Variants in SPAST observed in about 807,000 individuals in gnomAD.
The protein encoded by SPAST is spastic paraplegia 4 (autosomal dominant; spastin).
Under a neutral mutation model 76.6 loss-of-function variants are expected in SPAST, and 30 were observed. That is an observed-to-expected ratio of 0.39 (90% CI 0.29 to 0.53). SPAST has a LOEUF of 0.53. Ranked by LOEUF, SPAST falls within the 20% of genes least tolerant of loss-of-function variation. SPAST has a pLI of 0.68. For missense variants in SPAST, 717 were observed against 770.5 expected (o/e 0.93, Z 0.82); for synonymous variants, 305 against 281.0 (o/e 1.09, Z -0.86).
In SPAST at chr2:32,064,250, A is replaced by G; in HGVS notation, c.415+4A>G. 1 of 1,302,540 alleles carries G rather than the reference A, an allele frequency of 7.7e-7. No homozygotes were observed. Among genetic ancestry groups the G allele is most frequent in the Non-Finnish European group, 1.0e-6 (1 of 976,850 alleles). 80.7% of individuals were successfully genotyped at this position (1,302,540 alleles called of 1,614,324 possible). A position where few individuals can be genotyped will look rare whatever the true frequency, so the allele number is the denominator to read the frequency against. ...CGCATCGATGAGGATGAGAAAGGTA[A>G]CTAGGGGGCTGGGGGAGGGGGCGGC... On this transcript the variant is annotated splice_donor_region_variant and intron_variant, in intron 1 of 16. Transcript: ENST00000315285.
intron 9 of SPAST, among the ~76,000 whole-genome samples, chr2:32,135,152 T>C (rs1476736861): frequency 7.7e-6 from 1 of 130,006 alleles, no homozygotes; most frequent in East Asian, 2.7e-4. Flanking sequence ...GTGTGTGAGA[T>C]GGAGTCTTGC....
At chr2:32,121,474 T>G (rs1679016936) in intron 7 of SPAST, among the ~76,000 whole-genome samples, 1 of 151,830 alleles carries the variant, frequency 6.6e-6, no homozygotes, top group Middle Eastern at 3.4e-3. Context: ...CATCCTTCAA[T>G]TCTGAGAAAG....
intron 1 of SPAST, among the ~76,000 whole-genome samples, chr2:32,086,786 T>C (rs904142332): frequency 2.6e-5 from 4 of 151,894 alleles, no homozygotes; most frequent in African/African-American, 9.7e-5. Context: ...GTCTAAGAAG[T>C]TAATTTTCAT....
At chr2:32,084,305 CGCCCGCCACCAT>C (rs1553398904) in intron 1 of SPAST, among the ~76,000 whole-genome samples, 1 of 151,654 alleles carries the variant, frequency 6.6e-6, no homozygotes, top group Non-Finnish European at 1.5e-5. Flanking sequence ...GGACTACAGG[CGCCCGCCACCAT>C]GCCTGGCTAA....
At chr2:32,143,972 A>G (rs1288260223) in intron 14 of SPAST, among the ~76,000 whole-genome samples, 1 of 152,206 alleles carries the variant, frequency 6.6e-6, no homozygotes, top group Non-Finnish European at 1.5e-5. Context: ...AATAATTTTA[A>G]TTATTTGATA....
chr2:32,125,541 G>T (rs1679162379), intron 7 of SPAST, among the ~76,000 whole-genome samples: 1 of 151,342 alleles, frequency 6.6e-6, no homozygotes, highest in Non-Finnish European at 1.5e-5. Context: ...TTTTTAAGTT[G>T]GATATTAGCC....
chr2:32,116,119 T>C lies in SPAST; in HGVS notation c.1005T>C (p.Asn335=), dbSNP rs758894779. Residue 335 remains asparagine, a splice_region_variant and synonymous_variant, in exon 7 of 17, where the codon AAT becomes AAC. Transcript: ENST00000315285. ...ANLIMNEIVD[N]GTAVKFDDIA... ...AACTAACTGAGGTCTTGTTTCTTAG[T>C]GGAACAGCTGTTAAATTTGATGATA... The C allele has an allele frequency of 1.2e-6, 2 of 1,610,484 alleles. No individual in the cohort carries two copies. The highest frequency in any genetic ancestry group is 1.7e-5 in the Admixed American group (1 of 60,002).
intron 9 of SPAST, 107 bp downstream of exon 9, chr2:32,128,586 T>C: frequency 1.4e-6 from 1 of 740,472 alleles, no homozygotes; most frequent in Non-Finnish European, 2.4e-6. Context: ...TAGGAGCTTA[T>C]CTATTGTATC....
At chr2:32,084,887 CAAAAA>C (rs34046587) in intron 1 of SPAST, among the ~76,000 whole-genome samples, 1 of 81,550 alleles carries the variant, frequency 1.2e-5, no homozygotes, top group Non-Finnish European at 2.3e-5. Context: ...GACTCCGTCT[CAAAAA>C]AAAAAAAAAA....
intron 1 of SPAST, among the ~76,000 whole-genome samples, chr2:32,080,125 G>A (rs1677145866): frequency 6.6e-6 from 1 of 152,188 alleles, no homozygotes; most frequent in African/African-American, 2.4e-5. Context: ...TAAAGGGTAT[G>A]AAGTGGTATC....
Position 32,115,719 on chromosome 2 carries a change from T to C in SPAST, c.888T>C (p.Asn296=). The change falls in exon 6 of 17, where the codon AAT becomes AAC. Residue 296 remains asparagine, a synonymous_variant. Coordinates refer to ENST00000315285, the MANE Select transcript of SPAST (RefSeq NM_014946.4). The stretch of plus-strand genomic sequence containing the variant: ...CCTTTAAGGGTACTCCGAAAACAAA[T>C]AGGACAAATAAACCTTCTACCCCTA... ...PTTHKGTPKT[N]RTNKPSTPTT... 1 of 1,609,690 alleles carries C rather than the reference T, an allele frequency of 6.2e-7. No homozygotes were observed. The highest frequency in any genetic ancestry group is 8.5e-7 in the Non-Finnish European group (1 of 1,176,712).
intron 1 of SPAST, among the ~76,000 whole-genome samples, chr2:32,080,452 T>C (rs1037261813): frequency 6.6e-6 from 1 of 152,210 alleles, no homozygotes; most frequent in African/African-American, 2.4e-5. Context: ...CACTATTGGC[T>C]AATAATTTAA....
intron 1 of SPAST, among the ~76,000 whole-genome samples, chr2:32,077,295 G>C (rs1677004077): frequency 6.6e-6 from 1 of 152,080 alleles, no homozygotes; most frequent in Non-Finnish European, 1.5e-5. Flanking sequence ...GAATACTTAA[G>C]GATTAAATAG....
chr2:32,124,376 C>T (rs1167822996), intron 7 of SPAST, among the ~76,000 whole-genome samples: 1 of 152,146 alleles, frequency 6.6e-6, no homozygotes, highest in Non-Finnish European at 1.5e-5. Flanking sequence ...ACACCAAATT[C>T]TGGCAGGGAT....
intron 1 of SPAST, among the ~76,000 whole-genome samples, chr2:32,081,270 G>C (rs188054678): frequency 4.6e-5 from 7 of 151,460 alleles, no homozygotes; most frequent in Non-Finnish European, 8.8e-5. Context: ...TTTTGTGTGT[G>C]TTTTCAGTAG....
chr2:32,130,317 T>A (rs1344640030), intron 9 of SPAST: 1 of 145,778 alleles, frequency 6.9e-6, no homozygotes, highest in African/African-American at 2.5e-5. Flanking sequence ...AAACAAACTT[T>A]TATGGTTGAA....
At chr2:32,146,851 C>CAAAAAAA (rs397984237) in intron 15 of SPAST, among the ~76,000 whole-genome samples, 4 of 19,236 alleles carry the variant, frequency 2.1e-4, no homozygotes, top group Non-Finnish European at 2.2e-4. Context: ...GACTCTGTCT[C>CAAAAAAA]AAAAAAAAAA....
At chr2:32,132,254 G>T (rs1446949626) in intron 9 of SPAST, among the ~76,000 whole-genome samples, 2 of 152,116 alleles carry the variant, frequency 1.3e-5, no homozygotes. Flanking sequence ...AGTCGGGCGT[G>T]GTGGCGTGTG....
intron 8 of SPAST, 198 bp downstream of exon 8, chr2:32,127,220 C>T (rs749784571): frequency 1.0e-4 from 56 of 556,030 alleles, no homozygotes; most frequent in Non-Finnish European, 1.6e-4. Flanking sequence ...TGGGTTCAAG[C>T]GATTTTCATG....
Sources: allele counts gnomAD v4.1 joint callset (sites outside exome capture counted in the v4.1 genomes callset), GRCh38; gene constraint gnomAD v4.1.1; transcripts MANE v1.5; gene names NCBI Gene and HGNC (gene_info 2026-07-23, HGNC 2026-07-21).